Variants in EPRS1 observed in about 807,000 individuals in gnomAD.
The protein encoded by EPRS1 is glutamyl-prolyl-tRNA synthetase 1.
Under a neutral mutation model 188.3 loss-of-function variants are expected in EPRS1, and 107 were observed. That is an observed-to-expected ratio of 0.57 (90% confidence interval 0.49 to 0.67). The LOEUF is 0.67. Ranked by LOEUF, EPRS1 falls within the 30% of genes least tolerant of loss-of-function variation. The pLI, the probability that EPRS1 is intolerant of heterozygous loss-of-function variation, is 0.00. For missense variants in EPRS1, 1,577 were observed against 1,802.2 expected (o/e 0.88, Z 2.26); for synonymous variants, 596 against 593.1 (o/e 1.00, Z -0.07).
intron 12 of EPRS1, among the ~76,000 whole-genome samples, chr1:220,016,833 G>A (rs1311648339): frequency 2.0e-5 from 3 of 151,248 alleles, no homozygotes; most frequent in African/African-American, 4.9e-5. Flanking sequence ...AAAGTAAAAG[G>A]TCAAATTATT....
At chr1:219,978,777 C>T (rs1202082081) in intron 27 of EPRS1, 58 bp from the exon 28 acceptor site, 9 of 1,385,724 alleles carry the variant, frequency 6.5e-6, no homozygotes, top group Non-Finnish European at 8.8e-6. Flanking sequence ...AAGTAATGAG[C>T]TCTCAGAAGT....
rs781263397 is a variant in EPRS1, at chr1:220,024,331, A to G, written c.876T>C (p.Asp292=). Reference sequence around the variant, plus strand: ...CTTTCATCTGTTCAGCAGGAGTATCATCCACATAAGCCTTCCCTTCTTGAA... The same window carrying G: ...CTTTCATCTGTTCAGCAGGAGTATCGTCCACATAAGCCTTCCCTTCTTGAA... ...KLIQEGKAYV[D]DTPAEQMKAE... is the part of the protein sequence containing the mutation. The change falls in exon 8 of 32, where the codon GAT becomes GAC. Residue 292 remains aspartate (D), a synonymous_variant. Coordinates refer to ENST00000366923, the MANE Select transcript of EPRS1 (RefSeq NM_004446.3). The G allele has an allele frequency of 1.2e-6, 2 of 1,613,540 alleles. No individual in the cohort carries two copies. Among genetic ancestry groups the G allele is most frequent in the Non-Finnish European group, 1.7e-6 (2 of 1,179,724 alleles).
intron 12 of EPRS1, among the ~76,000 whole-genome samples, chr1:220,016,746 A>AAAAG (rs71169427): frequency 0.86 from 123,347 of 143,250 alleles, 53,566 homozygotes; most frequent in African/African-American, 0.97. Context: ...AACAAAAACA[A>AAAAG]AAACAAAAAA....
chr1:220,020,313 T>C (rs1661845503), intron 9 of EPRS1, 92 bp from the exon 10 acceptor site: 5 of 807,048 alleles, frequency 6.2e-6, no homozygotes, highest in Non-Finnish European at 9.7e-6. Context: ...TAAAATGTAA[T>C]TCTTTACAAG....
chr1:219,972,948 G>A (rs550545492), intron 29 of EPRS1, among the ~76,000 whole-genome samples: 1 of 152,304 alleles, frequency 6.6e-6, no homozygotes, highest in South Asian at 2.1e-4. Context: ...GACAGTCAAT[G>A]CCTGAAGCCC....
intron 28 of EPRS1, among the ~76,000 whole-genome samples, chr1:219,977,095 C>G (rs1660795642): frequency 6.6e-6 from 1 of 152,266 alleles, no homozygotes; most frequent in East Asian, 1.9e-4. Context: ...CGCTCACACA[C>G]TTTGGTCAAT....
In EPRS1 at chr1:220,018,494, T is replaced by C; in HGVS notation, c.1449A>G (p.Ser483=). ...QFIAAQGSSR[S]VVNMEWDKIW... The stretch of plus-strand genomic sequence containing the variant: ...TTTTGTCCCACTCCATGTTCACGAC[T>C]GAACGTGAGGAGCCCTAAAAAACAA... Residue 483 remains serine, a synonymous_variant, in exon 12 of 32, where the codon TCA becomes TCG. Coordinates refer to ENST00000366923, the MANE Select transcript of EPRS1 (RefSeq NM_004446.3). 1 of 1,611,314 alleles carries C rather than the reference T, an allele frequency of 6.2e-7. No individual in the cohort carries two copies. Among genetic ancestry groups the C allele is most frequent in the Non-Finnish European group, 8.5e-7 (1 of 1,178,626 alleles).
At chr1:220,001,099 AC>A in intron 17 of EPRS1, 38 bp downstream of exon 17, 1 of 1,084,974 alleles carries the variant, frequency 9.2e-7, no homozygotes, top group Non-Finnish European at 1.4e-6. Context: ...GGATAGAAAG[AC>A]CATTTATTTT....
intron 8 of EPRS1, among the ~76,000 whole-genome samples, chr1:220,023,530 G>T (rs1432666299): frequency 6.6e-6 from 1 of 152,144 alleles, no homozygotes; most frequent in Non-Finnish European, 1.5e-5. Flanking sequence ...TCAGTCAAGT[G>T]ATATTTCAGA....
intron 18 of EPRS1, among the ~76,000 whole-genome samples, chr1:219,996,530 G>GT (rs1661235243): frequency 6.6e-6 from 1 of 152,190 alleles, no homozygotes; most frequent in Non-Finnish European, 1.5e-5. Context: ...AGCAATCCAT[G>GT]TTTTACCAAG....
chr1:220,007,993 G>C (rs1179853704), intron 13 of EPRS1, among the ~76,000 whole-genome samples: 1 of 151,002 alleles, frequency 6.6e-6, no homozygotes, highest in South Asian at 2.1e-4. Context: ...TGTAGTCCCA[G>C]CTACTTGGGA....
At chr1:219,972,277 C>A in intron 29 of EPRS1, 130 bp from the exon 30 acceptor site, 2 of 560,274 alleles carry the variant, frequency 3.6e-6, no homozygotes, top group South Asian at 2.8e-5. Flanking sequence ...AATCTCAAGT[C>A]TATCACTCAT....
At chr1:220,026,352 A>G (rs1369433665) in intron 6 of EPRS1, among the ~76,000 whole-genome samples, 1 of 152,160 alleles carries the variant, frequency 6.6e-6, no homozygotes, top group Non-Finnish European at 1.5e-5. Flanking sequence ...TCACACATCA[A>G]CACCCTCCTT....
At chr1:220,016,432 A>G (rs1250841443) in intron 12 of EPRS1, among the ~76,000 whole-genome samples, 1 of 151,122 alleles carries the variant, frequency 6.6e-6, no homozygotes, top group Non-Finnish European at 1.5e-5. Context: ...TTCTTTTGAG[A>G]CAGAGTCTCA....
chr1:219,994,060 G>C (rs772790456), intron 18 of EPRS1, among the ~76,000 whole-genome samples: 1 of 152,122 alleles, frequency 6.6e-6, no homozygotes, highest in Non-Finnish European at 1.5e-5. Context: ...GAGTACAGCA[G>C]GTCCTTGAAT....
intron 19 of EPRS1, among the ~76,000 whole-genome samples, chr1:219,988,318 C>CA (rs2102568692): frequency 6.6e-6 from 1 of 152,206 alleles, no homozygotes; most frequent in Non-Finnish European, 1.5e-5. Flanking sequence ...CTGGATCTTA[C>CA]AGGTTGGAGG....
rs12080610 is a variant in EPRS1, at chr1:220,022,340, T to C, written c.1115+7A>G. 11,504 of 1,610,898 alleles carry C rather than the reference T, an allele frequency of 7.1e-3. 632 individuals carry two copies. The African/African-American group carries it at 0.13, about 18-fold the overall frequency. ...GCTACCTAGCATATTGAAGGAGATATACTTACTTGTATTTATTTCCAGTTC... is the reference window on the plus strand; with the variant it reads ...GCTACCTAGCATATTGAAGGAGATACACTTACTTGTATTTATTTCCAGTTC... On this transcript the variant is annotated splice_region_variant and intron_variant, in intron 9 of 31. Transcript: ENST00000366923.
intron 16 of EPRS1, among the ~76,000 whole-genome samples, chr1:220,004,782 G>C (rs1661426976): frequency 6.6e-6 from 1 of 151,590 alleles, no homozygotes; most frequent in African/African-American, 2.4e-5. Context: ...GAAAAAAAAG[G>C]GACAAAAATT....
chr1:220,020,784 A>T (rs2102589574), intron 9 of EPRS1, among the ~76,000 whole-genome samples: 1 of 144,038 alleles, frequency 6.9e-6, no homozygotes, highest in African/African-American at 2.6e-5. Flanking sequence ...GTTTCTGACT[A>T]AGATAATGTA....
Sources: gnomAD v4.1 joint callset for allele counts (sites outside exome capture counted in the v4.1 genomes callset) on GRCh38, gnomAD v4.1.1 for gene constraint, MANE v1.5 for transcripts, NCBI Gene and HGNC (gene_info 2026-07-23, HGNC 2026-07-21) for gene names.